Variants in MYH6 observed in about 807,000 individuals in gnomAD.
The protein encoded by MYH6 is myosin-6.
In MYH6, 126 loss-of-function variants were observed where a neutral mutation model predicts 223.2. The ratio of observed to expected loss-of-function variants is 0.56; its 90% CI spans 0.49 to 0.65. The LOEUF (loss-of-function observed/expected upper bound fraction) is 0.65, where lower values mean the gene tolerates loss of function less well. Ranked by LOEUF, MYH6 falls within the 30% of genes least tolerant of loss-of-function variation. The pLI, the probability that MYH6 is intolerant of heterozygous loss-of-function variation, is 0.00. For synonymous variants in MYH6, 978 were observed against 1,010.2 expected (o/e 0.97, Z 0.61); for missense variants, 2,040 against 2,536.4 (o/e 0.80, Z 4.20).
At chr14:23,398,075 T>C (rs1010713936) in intron 15 of MYH6, among the ~76,000 whole-genome samples, 2 of 151,056 alleles carry the variant, frequency 1.3e-5, no homozygotes, top group Non-Finnish European at 2.9e-5. Flanking sequence ...TGGAGTGCAG[T>C]GGTGCAATCT....
At chr14:23,397,932 C>CTTCTTCTTTT (rs1891451894) in intron 15 of MYH6, among the ~76,000 whole-genome samples, 4 of 90,142 alleles carry the variant, frequency 4.4e-5, no homozygotes, top group African/African-American at 1.7e-4. Context: ...CCTCCTCCTC[C>CTTCTTCTTTT]TCTTCTTCTT....
Position 23,384,671 on chromosome 14 carries a change from G to A in MYH6, c.5336C>T (p.Ala1779Val). Residue 1779 changes from alanine to valine, a missense_variant, in exon 36 of 39, where the codon GCC becomes GTC. Transcript: ENST00000405093. The stretch of plus-strand genomic sequence containing the variant: ...GTTCTTCTTCATGCGCTCCAGGTGG[G>A]CGCTGGTGTCCTGCTCCTTCTTCAG... ...EELKKEQDTS[A>V]HLERMKKNME... 1 of 1,614,234 alleles carries A rather than the reference G, an allele frequency of 6.2e-7. No homozygotes were observed. The highest frequency in any genetic ancestry group is 8.5e-7 in the Non-Finnish European group (1 of 1,180,052).
At chr14:23,392,811 A>G in intron 24 of MYH6, 101 bp downstream of exon 24, 1 of 1,557,094 alleles carries the variant, frequency 6.4e-7, no homozygotes. Context: ...TATTCCCAGC[A>G]TACCCAAGGC....
At chr14:23,394,785 C>T (rs1016069850) in intron 20 of MYH6, among the ~76,000 whole-genome samples, 8 of 152,114 alleles carry the variant, frequency 5.3e-5, no homozygotes, top group Admixed American at 1.3e-4. Flanking sequence ...CAGGAGCAGC[C>T]GCCACTCTGA....
At chr14:23,401,543 G>A (rs432256) in intron 12 of MYH6, among the ~76,000 whole-genome samples, 33,256 of 152,182 alleles carry the variant, frequency 0.22, 3,924 homozygotes, top group Non-Finnish European at 0.26. Context: ...CTACATCTGT[G>A]GCATCTCTGG....
chr14:23,405,076 T>C lies in MYH6; in HGVS notation c.530+24A>G, dbSNP rs760760843. The C allele has an allele frequency of 5.0e-6, 8 of 1,614,062 alleles. No homozygotes were observed. Among genetic ancestry groups the C allele is most frequent in the Admixed American group, 1.7e-5 (1 of 60,016 alleles). ...TGTATGCCCCCAGCCCAGTCCCTTC[T>C]GTGGGAGGATGGCACTCGCTCACGT... On this transcript the variant is annotated intron_variant, in intron 6 of 38. Coordinates refer to ENST00000405093, the MANE Select transcript of MYH6 (RefSeq NM_002471.4). This position sits in a 1 kb window ranked among gnomAD's most constrained non-coding sequence, Gnocchi z 4.7.
At chr14:23,385,254 A>G (rs1259851705) in intron 34 of MYH6, among the ~76,000 whole-genome samples, 1 of 151,958 alleles carries the variant, frequency 6.6e-6, no homozygotes, top group Non-Finnish European at 1.5e-5. Context: ...ACTCTGAAAA[A>G]AGACTTCAAA....
In MYH6 at chr14:23,390,408, C is replaced by T; in HGVS notation, c.3381G>A (p.Glu1127=). The change falls in exon 26 of 39, where the codon GAG becomes GAA. Residue 1127 remains glutamate, a synonymous_variant. Coordinates refer to ENST00000405093, the MANE Select transcript of MYH6 (RefSeq NM_002471.4). ...TCTCCACCTTAGCCCTGGCGGTGCG[C>T]TCGGCCTCCAGCTCCTCCTCCAGCT... ...IEELEEELEA[E]RTARAKVEKL... is the part of the protein sequence containing the mutation. 1 of 1,611,692 alleles carries T rather than the reference C, an allele frequency of 6.2e-7. No individual in the cohort carries two copies. Among genetic ancestry groups the T allele is most frequent in the Non-Finnish European group, 8.5e-7 (1 of 1,179,692 alleles).
chr14:23,401,692 C>T (rs150627479), intron 12 of MYH6, among the ~76,000 whole-genome samples: 2 of 152,350 alleles, frequency 1.3e-5, no homozygotes, highest in East Asian at 3.9e-4. Context: ...AGTGTCTAGC[C>T]CTGGACTGGC....
chr14:23,400,570 A>C, intron 13 of MYH6, 139 bp downstream of exon 13: 1 of 1,580,956 alleles, frequency 6.3e-7, no homozygotes, highest in Non-Finnish European at 8.6e-7. Flanking sequence ...CCCTGAAGAC[A>C]GGGACAATGA....
rs771845364 is a variant in MYH6, at chr14:23,396,277, G to A, written c.2429+7C>T. On this transcript the variant is annotated splice_region_variant and intron_variant, in intron 20 of 38. Coordinates refer to ENST00000405093, the MANE Select transcript of MYH6 (RefSeq NM_002471.4). ...TAGTGCATGCCTCCCTTTTCCTCCT[G>A]TCTCACCTGCGTTCCACTATCTTCT... The A allele has an allele frequency of 3.1e-6, 5 of 1,614,104 alleles. No homozygotes were observed. The highest frequency in any genetic ancestry group is 1.6e-4 in the Middle Eastern group (1 of 6,062).
In MYH6 at chr14:23,387,107, A is replaced by G. The variant is rs368120530; in HGVS notation, c.4650+422T>C. Among the ~76,000 whole-genome samples, 5 of 152,194 alleles carry G rather than the reference A, an allele frequency of 3.3e-5. No homozygotes were observed. The East Asian group carries it at 7.7e-4, about 23-fold the overall frequency. On this transcript the variant is annotated intron_variant, in intron 32 of 38. Coordinates refer to ENST00000405093, the MANE Select transcript of MYH6 (RefSeq NM_002471.4). The stretch of plus-strand genomic sequence containing the variant: ...AATCTTTATAATAATCATGTGTAAA[A>G]TCATATGAGGTATGTACAGTTAATT...
chr14:23,397,715 G>A, intron 15 of MYH6, 102 bp from the exon 16 acceptor site: 3 of 1,192,022 alleles, frequency 2.5e-6, no homozygotes, highest in South Asian at 2.5e-5. Flanking sequence ...TGAGACTTTG[G>A]GCAAGGAATT....
chr14:23,394,968 C>T (rs1241346515), intron 20 of MYH6, among the ~76,000 whole-genome samples: 2 of 152,188 alleles, frequency 1.3e-5, no homozygotes, highest in African/African-American at 2.4e-5. Context: ...CGGATTCAAG[C>T]GATTCTCCTG....
chr14:23,387,513 A>C lies in MYH6; in HGVS notation c.4650+16T>G, dbSNP rs1183011637. 1 of 1,612,304 alleles carries C rather than the reference A, an allele frequency of 6.2e-7. No individual in the cohort carries two copies. The highest frequency in any genetic ancestry group is 1.3e-5 in the African/African-American group (1 of 74,864). On this transcript the variant is annotated intron_variant, in intron 32 of 38. Coordinates refer to ENST00000405093, the MANE Select transcript of MYH6 (RefSeq NM_002471.4). Reference sequence around the variant, plus strand: ...GGCAGAACAGGGATGGGGTGCAGGGAGTTCTCGGCCCTCACCTCTGCCTCC... The same window carrying C: ...GGCAGAACAGGGATGGGGTGCAGGGCGTTCTCGGCCCTCACCTCTGCCTCC...
intron 12 of MYH6, among the ~76,000 whole-genome samples, chr14:23,401,772 C>T (rs1034645271): frequency 2.0e-5 from 3 of 152,222 alleles, no homozygotes; most frequent in South Asian, 2.1e-4. Context: ...GTACCACGCT[C>T]CTACCCCCAG....
intron 36 of MYH6, 146 bp downstream of exon 36, chr14:23,384,296 G>C: frequency 7.6e-7 from 1 of 1,320,836 alleles, no homozygotes; most frequent in Non-Finnish European, 1.1e-6. Flanking sequence ...ATAGACTCAA[G>C]TCAAACTGAC....
rs187963893 is a variant in MYH6 at position 23,407,616 on chromosome 14, G to T, written c.-46-8C>A. 6.1e-6 allele frequency: 7 copies of T among 1,146,270 alleles called. No homozygotes were observed. In the East Asian group the frequency reaches 4.4e-4, roughly 72 times the overall value. 71.0% of individuals were successfully genotyped at this position (1,146,270 alleles called of 1,614,324 possible). A position where few individuals can be genotyped will look rare whatever the true frequency, so the allele number is the denominator to read the frequency against. ...CGGAGAATCCTGAAGAATCTGGACC[G>T]TGGGTGGAGCAAGGAACAACAGAGG... On this transcript the variant is annotated splice_region_variant and splice_polypyrimidine_tract_variant and intron_variant, in intron 1 of 38. Transcript: ENST00000405093. The surrounding 1 kb of genome is among the most constrained non-coding windows in gnomAD (Gnocchi z 5.6).
rs999296471 is a variant in MYH6 at position 23,386,036 on chromosome 14, A to G, written c.5055T>C (p.Ala1685=). The G allele has an allele frequency of 1.9e-6, 3 of 1,614,172 alleles. No homozygotes were observed. The highest frequency in any genetic ancestry group is 2.2e-5 in the South Asian group (2 of 91,084). The change falls in exon 34 of 39, where the codon GCT becomes GCC. Residue 1685 remains alanine (A), a synonymous_variant. Coordinates refer to ENST00000405093, the MANE Select transcript of MYH6 (RefSeq NM_002471.4). ...CCACGGCACGCAGCTCCTCCAGCTC[A>G]GCCTGCAGCAGGTTGTTGCGCCGCT... is the stretch of plus-strand genomic sequence containing the variant. ...IVERRNNLLQ[A]ELEELRAVVE...
Sources: gnomAD v4.1 joint callset for allele counts (sites outside exome capture counted in the v4.1 genomes callset) on GRCh38, gnomAD v4.1.1 for gene constraint, Gnocchi (gnomAD v3.1) non-coding constraint, MANE v1.5 for transcripts, NCBI Gene and HGNC (gene_info 2026-07-23, HGNC 2026-07-21) for gene names.